The following MACF1 variants were observed in gnomAD, a reference collection of about 807,000 sequenced individuals.
The protein encoded by MACF1 is microtubule-actin cross-linking factor 1.
Under a neutral mutation model 854.8 loss-of-function variants are expected in MACF1, and 193 were observed. The observed-to-expected ratio is 0.23, with a 90% confidence interval of 0.20 to 0.25. The LOEUF is 0.25. Ranked by LOEUF, MACF1 falls within the 10% of genes least tolerant of loss-of-function variation. MACF1 has a pLI of 1.00. For synonymous variants in MACF1, 3,185 were observed against 3,226.7 expected, an observed-to-expected ratio of 0.99 and a Z score of 0.44; for missense variants, 7,722 against 8,929.1, an observed-to-expected ratio of 0.86 and a Z score of 5.45.
Position 39,328,051 on chromosome 1 carries a change from A to T in MACF1, c.4614+698A>T, listed in dbSNP as rs573428656. On this transcript the variant is annotated intron_variant, in intron 36 of 100. Coordinates refer to ENST00000564288, the MANE Select transcript of MACF1 (RefSeq NM_001394062.1). ...TATGTTGTGAAGCAATGGCCAACTT[A>T]TGTGGGGCAGGCCAAAATTAAGCTC... Among the ~76,000 whole-genome samples, 18 of 152,286 alleles carry T rather than the reference A, an allele frequency of 1.2e-4. No homozygotes were observed. The South Asian group carries it at 3.5e-3, about 30-fold the overall frequency.
chr1:39,406,180 C>T (rs184236477), intron 58 of MACF1, among the ~76,000 whole-genome samples: 1 of 152,144 alleles, frequency 6.6e-6, no homozygotes, highest in African/African-American at 2.4e-5. Context: ...TGTAATTTCT[C>T]TTTAGGTTGT....
intron 2 of MACF1, among the ~76,000 whole-genome samples, chr1:39,175,549 G>A (rs1236274455): frequency 1.3e-5 from 2 of 152,134 alleles, no homozygotes; most frequent in East Asian, 3.9e-4. Flanking sequence ...CTTTTGTACT[G>A]TTTATTTTTC....
chr1:39,177,170 T>C (rs1033369331), intron 2 of MACF1, among the ~76,000 whole-genome samples: 1 of 152,190 alleles, frequency 6.6e-6, no homozygotes, highest in African/African-American at 2.4e-5. Flanking sequence ...AGTTTCGCTC[T>C]TGTTGCCCAG....
chr1:39,164,937 T>G (rs960427629), intron 2 of MACF1, among the ~76,000 whole-genome samples: 1 of 152,230 alleles, frequency 6.6e-6, no homozygotes, highest in African/African-American at 2.4e-5. Context: ...TATGTGGGAC[T>G]GATAGCCTTA....
Position 39,433,073 on chromosome 1 carries a change from A to G in MACF1, c.17483A>G (p.His5828Arg), listed in dbSNP as rs763985028. The G allele has an allele frequency of 3.1e-6, 5 of 1,612,028 alleles. No individual in the cohort carries two copies. In the South Asian group the frequency reaches 5.5e-5, roughly 18 times the overall value. Residue 5828 changes from histidine to arginine, a missense_variant, in exon 68 of 101, where the codon CAC (histidine) becomes CGC (arginine). Transcript: ENST00000564288. ...QKAFSIDIIR[H>R]KDSMDELFSH... ...GCTTTCTCCATTGACATTATTCGAC[A>G]CAAAGATTCAATGGATGAACTCTTC...
intron 80 of MACF1, among the ~76,000 whole-genome samples, chr1:39,446,248 A>G (rs1644227146): frequency 6.6e-6 from 1 of 151,964 alleles, no homozygotes; most frequent in Admixed American, 6.5e-5. Flanking sequence ...AATATAAAGA[A>G]TATGTAGATA....
intron 2 of MACF1, among the ~76,000 whole-genome samples, chr1:39,117,025 T>C (rs1642565558): frequency 6.6e-6 from 1 of 152,194 alleles, no homozygotes; most frequent in African/African-American, 2.4e-5. Context: ...AGAGAGGCTG[T>C]TGTGGAAAAT....
chr1:39,124,049 A>ATTT (rs1009496081), intron 2 of MACF1, among the ~76,000 whole-genome samples: 1 of 123,238 alleles, frequency 8.1e-6, no homozygotes. Flanking sequence ...CAATTCTTGT[A>ATTT]TTTTTTTTTT....
At chr1:39,087,514 C>T (rs1641702444) in intron 2 of MACF1, among the ~76,000 whole-genome samples, 1 of 151,984 alleles carries the variant, frequency 6.6e-6, no homozygotes, top group Non-Finnish European at 1.5e-5. Flanking sequence ...CTGTTCTCAT[C>T]CTTTCCCTAC....
chr1:39,247,204 C>T (rs1252539559), intron 2 of MACF1, among the ~76,000 whole-genome samples: 1 of 150,946 alleles, frequency 6.6e-6, no homozygotes, highest in Non-Finnish European at 1.5e-5. Flanking sequence ...TCCCGTGTAG[C>T]TGGGACTACA....
intron 6 of MACF1, among the ~76,000 whole-genome samples, chr1:39,275,561 G>T (rs539096089): frequency 2.6e-5 from 4 of 152,194 alleles, no homozygotes; most frequent in African/African-American, 7.2e-5. Context: ...ATTGGCAGAA[G>T]GTAAAAATTC....
rs1645629153 is a variant in MACF1 at position 39,285,687 on chromosome 1, C to T, written c.1437C>T (p.Ile479=). The change falls in exon 14 of 101, where the codon ATC becomes ATT. Residue 479 remains isoleucine (I), a synonymous_variant. Transcript: ENST00000564288. ...ACATTCAGGAGTGTGAAGGTCTCAT[C>T]AGGCAGCTGCAGGTGGATCTCCAGA... ...IMYIQECEGL[I]RQLQVDLQIL... 1 of 1,614,012 alleles carries T rather than the reference C, an allele frequency of 6.2e-7. No individual in the cohort carries two copies. Among genetic ancestry groups the T allele is most frequent in the East Asian group, 2.2e-5 (1 of 44,868 alleles).
intron 26 of MACF1, among the ~76,000 whole-genome samples, chr1:39,314,022 C>T (rs1219377379): frequency 4.6e-5 from 7 of 152,130 alleles, no homozygotes; most frequent in Non-Finnish European, 8.8e-5. Context: ...TTCTTTTGGG[C>T]AGAGAATATT....
At position 39,424,242 on chromosome 1, in the gene MACF1, C is replaced by G. The variant is rs759671524; in HGVS notation, c.16316+48C>G. ...GAGTGGGTCAGAGGTTTGTTTTGTT[C>G]TTCTTCGACTTATTATCACTATAAG... On this transcript the variant is annotated intron_variant, in intron 61 of 100. Coordinates refer to ENST00000564288, the MANE Select transcript of MACF1 (RefSeq NM_001394062.1). 6 of 1,509,810 alleles carry G rather than the reference C, an allele frequency of 4.0e-6. No individual in the cohort carries two copies. The East Asian group carries it at 1.1e-4, about 29-fold the overall frequency. The allele number at this position is 1,509,810 out of a possible 1,614,324, so 93.5% of individuals were successfully genotyped here.
At chr1:39,369,935 T>C (rs1569752076) in intron 50 of MACF1, 95 bp from the exon 51 acceptor site, 1 of 1,125,194 alleles carries the variant, frequency 8.9e-7, no homozygotes, top group East Asian at 2.4e-5. Flanking sequence ...CCATGTTAGG[T>C]AACTGATGTC....
intron 54 of MACF1, 147 bp downstream of exon 54, chr1:39,379,591 A>G: frequency 1.2e-6 from 1 of 856,414 alleles, no homozygotes; most frequent in Non-Finnish European, 1.8e-6. Context: ...CTAAATGATT[A>G]ATATGCCTTA....
chr1:39,360,013 ATATATATATATATATAT>A (rs1305773195), intron 47 of MACF1, among the ~76,000 whole-genome samples: 6 of 20,956 alleles, frequency 2.9e-4, no homozygotes, highest in Admixed American at 1.4e-3. Flanking sequence ...AAAAAAAAAA[ATATATATATATATATAT>A]ATATATATAT....
intron 1 of MACF1, among the ~76,000 whole-genome samples, chr1:39,219,744 C>G (rs1644625862): frequency 6.6e-6 from 1 of 152,180 alleles, no homozygotes; most frequent in Non-Finnish European, 1.5e-5. Flanking sequence ...AGTACCTGCT[C>G]CCTGCTGAAA....
chr1:39,473,340 A>T (rs1644813080), intron 97 of MACF1, among the ~76,000 whole-genome samples: 1 of 152,210 alleles, frequency 6.6e-6, no homozygotes. Context: ...AGGTCCTCAG[A>T]TCACAAAATG....
Sources: gnomAD v4.1 joint callset for allele counts (sites outside exome capture counted in the v4.1 genomes callset) on GRCh38, gnomAD v4.1.1 for gene constraint, MANE v1.5 for transcripts, NCBI Gene and HGNC (gene_info 2026-07-23, HGNC 2026-07-21) for gene names.